CSMD1: variants seen among roughly 807,000 people sequenced by gnomAD.
The protein encoded by CSMD1 is CUB and sushi domain-containing protein 1.
In CSMD1, 213 loss-of-function variants were observed where a neutral mutation model predicts 417.5. The observed-to-expected ratio is 0.51, with a 90% CI of 0.46 to 0.57. The LOEUF (loss-of-function observed/expected upper bound fraction) is 0.57, where lower values mean the gene tolerates loss of function less well. CSMD1 is among the 20% of genes least tolerant of loss of function. The probability of loss-of-function intolerance (pLI) is 0.00; values close to 1 mark genes in which losing one functional copy is unlikely to be tolerated. For synonymous variants in CSMD1, 2,862 were observed against 1,736.8 expected (o/e 1.65, Z -16.11); for missense variants, 6,923 against 4,529.7 (o/e 1.53, Z -15.17).
chr8:3,492,896 A>G (rs962123723), intron 11 of CSMD1, among the ~76,000 whole-genome samples: 4 of 151,988 alleles, frequency 2.6e-5, no homozygotes, highest in Non-Finnish European at 5.9e-5. Flanking sequence ...GGTGTATGGC[A>G]TTATTCCAAA....
At chr8:4,607,770 CTT>C (rs888498001) in intron 2 of CSMD1, among the ~76,000 whole-genome samples, 28 of 152,312 alleles carry the variant, frequency 1.8e-4, no homozygotes, top group African/African-American at 6.0e-4. Flanking sequence ...GTGACTCTCT[CTT>C]GAGTAAATCC....
At position 2,936,513 on chromosome 8, in the gene CSMD1, C is replaced by A. The variant is rs187548457; in HGVS notation, c.*2072G>T. 1 of 152,058 alleles carries A rather than the reference C, an allele frequency of 6.6e-6. No homozygotes were observed. The highest frequency in any genetic ancestry group is 6.6e-5 in the Admixed American group (1 of 15,258). 9.4% of individuals were successfully genotyped at this position (152,058 alleles called of 1,614,324 possible). A position where few individuals can be genotyped will look rare whatever the true frequency, so the allele number is the denominator to read the frequency against. On this transcript the variant is annotated 3_prime_UTR_variant, in exon 70 of 70. Coordinates refer to ENST00000635120, the MANE Select transcript of CSMD1 (RefSeq NM_033225.6). ...TGTTAGGAGCACGACTCCCGCTGACCTCGTCCCGTCTACTGTGAAACAGCA... is the reference window on the plus strand; with the variant it reads ...TGTTAGGAGCACGACTCCCGCTGACATCGTCCCGTCTACTGTGAAACAGCA...
intron 1 of CSMD1, among the ~76,000 whole-genome samples, chr8:4,868,487 C>T (rs994187799): frequency 5.3e-5 from 8 of 151,982 alleles, no homozygotes; most frequent in Non-Finnish European, 8.8e-5. Context: ...CCGCCTGCCT[C>T]GGTCTCCCAA....
chr8:4,685,468 G>A (rs1035071069), intron 1 of CSMD1, among the ~76,000 whole-genome samples: 2 of 152,072 alleles, frequency 1.3e-5, no homozygotes, highest in Admixed American at 6.6e-5. Flanking sequence ...CCAGCTACCC[G>A]GGAGGCTGAG....
intron 1 of CSMD1, among the ~76,000 whole-genome samples, chr8:4,671,876 C>T (rs540865848): frequency 5.8e-4 from 89 of 152,170 alleles, no homozygotes; most frequent in African/African-American, 2.0e-3. Flanking sequence ...ATCTTAAAAA[C>T]GAGAAGATAG....
At chr8:3,442,194 A>C (rs576228079) in intron 12 of CSMD1, among the ~76,000 whole-genome samples, 1 of 150,384 alleles carries the variant, frequency 6.6e-6, no homozygotes, top group South Asian at 2.1e-4. Context: ...AAAAAATTTT[A>C]AAAAATGAAA....
chr8:4,176,850 T>A (rs1798074832), intron 3 of CSMD1, among the ~76,000 whole-genome samples: 2 of 147,254 alleles, frequency 1.4e-5, no homozygotes. Flanking sequence ...TACATAATGG[T>A]AAAGGGATCA....
intron 1 of CSMD1, among the ~76,000 whole-genome samples, chr8:4,964,930 T>A (rs1039677136): frequency 6.6e-6 from 1 of 152,190 alleles, no homozygotes; most frequent in Non-Finnish European, 1.5e-5. Context: ...CAGCCCTTGG[T>A]GAATTAACCT....
At position 4,170,415 on chromosome 8, in the gene CSMD1, T is replaced by C. The variant is rs964960808; in HGVS notation, c.416-138316A>G. On this transcript the variant is annotated intron_variant, in intron 3 of 69. Transcript: ENST00000635120. ...CACCTGTGAAAAGCATATGCATGTA[T>C]ACCTTGAATTTAAAATGTTCAAATA... Among the ~76,000 whole-genome samples, 6 of 152,072 alleles carry C rather than the reference T, an allele frequency of 3.9e-5. No individual in the cohort carries two copies. The East Asian group carries it at 7.7e-4, about 20-fold the overall frequency.
chr8:4,061,178 G>A (rs1198511767), intron 3 of CSMD1, among the ~76,000 whole-genome samples: 1 of 152,138 alleles, frequency 6.6e-6, no homozygotes, highest in Non-Finnish European at 1.5e-5. Context: ...AAATCCCTCA[G>A]CTGCAGTTCT....
chr8:4,646,216 C>T (rs1040840094), intron 1 of CSMD1, among the ~76,000 whole-genome samples: 1 of 152,146 alleles, frequency 6.6e-6, no homozygotes, highest in African/African-American at 2.4e-5. Context: ...CATGGTAGAA[C>T]TAATCTTTTT....
intron 4 of CSMD1, among the ~76,000 whole-genome samples, chr8:4,027,480 G>A (rs150713755): frequency 6.6e-6 from 1 of 152,132 alleles, no homozygotes; most frequent in Non-Finnish European, 1.5e-5. Flanking sequence ...GAGTTCTCAT[G>A]AGATATGATG....
At chr8:3,717,657 T>A (rs1251621091) in intron 6 of CSMD1, among the ~76,000 whole-genome samples, 2 of 152,326 alleles carry the variant, frequency 1.3e-5, no homozygotes, top group East Asian at 1.9e-4. Flanking sequence ...TTATTATTAA[T>A]GCTATGTGCA....
At position 4,193,067 on chromosome 8, in the gene CSMD1, G is replaced by A. The variant is rs746972299; in HGVS notation, c.416-160968C>T. On this transcript the variant is annotated intron_variant, in intron 3 of 69. Transcript: ENST00000635120. ...ATGTCATTATGTATTTATCTTATTT[G>A]AAATACATCTTTTGAGCAGTGACAT... Among the ~76,000 whole-genome samples, 11 of 152,114 alleles carry A rather than the reference G, an allele frequency of 7.2e-5. 1 individual carries two copies. The highest frequency in any genetic ancestry group is 1.3e-4 in the Non-Finnish European group (9 of 68,032).
intron 7 of CSMD1, among the ~76,000 whole-genome samples, chr8:3,693,544 C>T (rs1053451772): frequency 1.3e-5 from 2 of 152,068 alleles, no homozygotes; most frequent in African/African-American, 4.8e-5. Context: ...CGTTACTGAG[C>T]CCTACAATGT....
chr8:3,536,489 G>T (rs1052827695), intron 10 of CSMD1, among the ~76,000 whole-genome samples: 1 of 152,194 alleles, frequency 6.6e-6, no homozygotes, highest in Non-Finnish European at 1.5e-5. Flanking sequence ...GATTAATGGG[G>T]ATTATGTTTT....
At chr8:3,251,554 T>C (rs1422235209) in intron 26 of CSMD1, among the ~76,000 whole-genome samples, 1 of 152,170 alleles carries the variant, frequency 6.6e-6, no homozygotes, top group African/African-American at 2.4e-5. Flanking sequence ...CGGGCTCTTT[T>C]TTGGTTCCAT....
chr8:4,073,307 G>T (rs1712692891), intron 3 of CSMD1, among the ~76,000 whole-genome samples: 3 of 152,132 alleles, frequency 2.0e-5, no homozygotes, highest in Admixed American at 2.0e-4. Context: ...AAATTTAGCT[G>T]AAGTACTACA....
intron 3 of CSMD1, among the ~76,000 whole-genome samples, chr8:4,295,999 G>C (rs1424890428): frequency 2.6e-5 from 4 of 151,540 alleles, no homozygotes; most frequent in Admixed American, 6.6e-5. Context: ...AAAACCTAAA[G>C]ACTTTATCTC....
Sources: gnomAD v4.1 joint callset for allele counts (sites outside exome capture counted in the v4.1 genomes callset) on GRCh38, gnomAD v4.1.1 for gene constraint, MANE v1.5 for transcripts, NCBI Gene and HGNC (gene_info 2026-07-23, HGNC 2026-07-21) for gene names.